AR: variants seen among roughly 807,000 people sequenced by gnomAD.
AR encodes androgen receptor.
Under a neutral mutation model 53.9 loss-of-function variants are expected in AR, and 8 were observed. The observed-to-expected ratio is 0.15, with a 90% confidence interval of 0.09 to 0.27. The LOEUF (loss-of-function observed/expected upper bound fraction) is 0.27, where lower values mean the gene tolerates loss of function less well. AR is among the 10% of genes least tolerant of loss of function. The pLI, the probability that AR is intolerant of heterozygous loss-of-function variation, is 1.00. For missense variants in AR, 639 were observed against 742.5 expected, an observed-to-expected ratio of 0.86 and a Z score of 1.62; for synonymous variants, 359 against 316.4, an observed-to-expected ratio of 1.13 and a Z score of -1.43.
intron 1 of AR, among the ~76,000 whole-genome samples, chrX:67,569,644 G>A (rs1208245455): frequency 1.8e-5 from 2 of 111,410 alleles, no homozygotes; most frequent in African/African-American, 3.3e-5. Flanking sequence ...GTGCCTTCAT[G>A]TATTTTTTCC....
chrX:67,565,093 T>C (rs1490388919), intron 1 of AR, among the ~76,000 whole-genome samples: 1 of 111,720 alleles, frequency 9.0e-6, no homozygotes, highest in African/African-American at 3.3e-5. Flanking sequence ...CTTCCCACAG[T>C]GGCACAGCCT....
chrX:67,709,008 C>T (rs1037734306), intron 3 of AR, among the ~76,000 whole-genome samples: 1 of 111,635 alleles, frequency 9.0e-6, no homozygotes, highest in Non-Finnish European at 1.9e-5. Context: ...GAAGTTTCGT[C>T]TCAGAGGGGT....
intron 1 of AR, among the ~76,000 whole-genome samples, chrX:67,630,220 C>A (rs1418623658): frequency 9.0e-6 from 1 of 110,750 alleles, no homozygotes. Context: ...GTTGATCTGT[C>A]TAATGTTGAC....
intron 1 of AR, among the ~76,000 whole-genome samples, chrX:67,627,071 A>G (rs1273040682): frequency 1.8e-5 from 2 of 108,849 alleles, no homozygotes; most frequent in Non-Finnish European, 3.8e-5. Context: ...TGCTATTGTG[A>G]ATAATGCCGC....
intron 1 of AR, among the ~76,000 whole-genome samples, chrX:67,583,824 G>T (rs1922399723): frequency 8.9e-6 from 1 of 111,766 alleles, no homozygotes; most frequent in African/African-American, 3.3e-5. Context: ...ACATATGTTG[G>T]CCAGAATTTA....
chrX:67,730,215 A>T lies in AR; in HGVS notation c.*6374A>T, dbSNP rs1006922642. ...GAGAGAAAGAAAGCATCACACAAAG[A>T]TTTTCTTAAAAGAAACAATTTTGCT... On this transcript the variant is annotated 3_prime_UTR_variant, in exon 8 of 8. Transcript: ENST00000374690. 5.7e-6 allele frequency: 1 copy of T among 174,926 alleles called. No homozygotes were observed. The highest frequency in any genetic ancestry group is 1.1e-5 in the Non-Finnish European group (1 of 91,358). 14.4% of individuals were successfully genotyped at this position (174,926 alleles called of 1,213,427 possible). A position where few individuals can be genotyped will look rare whatever the true frequency, so the allele number is the denominator to read the frequency against.
At chrX:67,702,112 T>A (rs1191628932) in intron 3 of AR, among the ~76,000 whole-genome samples, 1 of 111,743 alleles carries the variant, frequency 8.9e-6, no homozygotes, top group Non-Finnish European at 1.9e-5. Flanking sequence ...TTTTTATAGC[T>A]GTGTTACCTC....
intron 1 of AR, among the ~76,000 whole-genome samples, chrX:67,636,008 A>G (rs1925413458): frequency 9.0e-6 from 1 of 111,636 alleles, no homozygotes; most frequent in South Asian, 3.7e-4. Flanking sequence ...GTAATATCAA[A>G]GAATACATGT....
Position 67,725,079 on chromosome X carries a change from G to T in AR, c.*1238G>T, listed in dbSNP as rs1465756888. Reference sequence around the variant, plus strand: ...TCTGCCAAACTCCGTGAAGCCACAAGCACCTTATGTCCTCCCTTCAGTGTT... The same window carrying T: ...TCTGCCAAACTCCGTGAAGCCACAATCACCTTATGTCCTCCCTTCAGTGTT... On this transcript the variant is annotated 3_prime_UTR_variant, in exon 8 of 8. Transcript: ENST00000374690. 5.7e-6 allele frequency: 1 copy of T among 174,076 alleles called. No individual in the cohort carries two copies. The highest frequency in any genetic ancestry group is 1.1e-5 in the Non-Finnish European group (1 of 91,445). 14.3% of individuals were successfully genotyped at this position (174,076 alleles called of 1,213,427 possible).
intron 2 of AR, among the ~76,000 whole-genome samples, chrX:67,681,271 T>G (rs2075932293): frequency 9.0e-6 from 1 of 111,432 alleles, no homozygotes; most frequent in South Asian, 3.8e-4. Flanking sequence ...GTATTCCCTG[T>G]GTTAATTTTT....
At chrX:67,568,528 T>G (rs761783293) in intron 1 of AR, among the ~76,000 whole-genome samples, 24 of 111,556 alleles carry the variant, frequency 2.2e-4, no homozygotes, top group Non-Finnish European at 3.8e-4. Flanking sequence ...CTCTTTCTAC[T>G]GCACTCTGGG....
intron 2 of AR, among the ~76,000 whole-genome samples, chrX:67,656,067 A>G (rs1461203242): frequency 8.9e-6 from 1 of 112,147 alleles, no homozygotes; most frequent in African/African-American, 3.2e-5. Context: ...TAGAGTGATG[A>G]CAAGGTGGCA....
chrX:67,671,286 G>A (rs933603804), intron 2 of AR, among the ~76,000 whole-genome samples: 20 of 110,678 alleles, frequency 1.8e-4, no homozygotes, highest in African/African-American at 5.9e-4. Context: ...CTTTTTAATC[G>A]CCATTCTAAC....
intron 1 of AR, among the ~76,000 whole-genome samples, chrX:67,606,524 A>G (rs1326934437): frequency 3.6e-5 from 4 of 111,902 alleles, no homozygotes. Flanking sequence ...TGTAGTCACC[A>G]TGTTGTGCAG....
At chrX:67,702,077 G>A (rs2076044878) in intron 3 of AR, among the ~76,000 whole-genome samples, 1 of 111,531 alleles carries the variant, frequency 9.0e-6, no homozygotes, top group African/African-American at 3.3e-5. Context: ...CAGAAGATGA[G>A]GTTCAGATGA....
chrX:67,695,756 C>CAA (rs1453258662), intron 3 of AR: 2 of 745,379 alleles, frequency 2.7e-6, no homozygotes, highest in Non-Finnish European at 3.1e-6. Flanking sequence ...CACACACACA[C>CAA]ACACACACAC....
chrX:67,647,990 A>G (rs1187074575), intron 2 of AR, among the ~76,000 whole-genome samples: 1 of 112,244 alleles, frequency 8.9e-6, no homozygotes, highest in Non-Finnish European at 1.9e-5. Flanking sequence ...ACAAAAACAG[A>G]TGGTAGAGTG....
rs1929705757 is a variant in AR at position 67,545,919 on chromosome X, G to T, written c.773G>T (p.Ser258Ile). The T allele has an allele frequency of 8.3e-7, 1 of 1,210,770 alleles. No homozygotes were observed. The highest frequency in any genetic ancestry group is 2.2e-5 in the Admixed American group (1 of 45,966). ...GGTGTGGAGGCGTTGGAGCATCTGA[G>T]TCCAGGGGAACAGCTTCGGGGGGAT... ...GLGVEALEHL[S>I]PGEQLRGDCM... is the part of the protein sequence containing the mutation. The change falls in exon 1 of 8, where the codon AGT becomes ATT. Residue 258 changes from serine (S) to isoleucine (I), a missense_variant. Ser to Ile is a moderately radical substitution (Grantham distance 142). Around this residue, in one of 5 missense-constraint regions of AR, gnomAD observed 423 missense variants for 377.0 expected, o/e 1.12. Transcript: ENST00000374690.
chrX:67,623,776 A>G (rs1002963033), intron 1 of AR, among the ~76,000 whole-genome samples: 3 of 111,881 alleles, frequency 2.7e-5, no homozygotes, highest in Middle Eastern at 4.6e-3. Context: ...GAAAATTCAA[A>G]TTATCAAAAT....
Sources: gnomAD v4.1 joint callset for allele counts (sites outside exome capture counted in the v4.1 genomes callset) on GRCh38, gnomAD v4.1.1 for gene constraint, gnomAD v4.1.1 regional missense constraint, MANE v1.5 for transcripts, NCBI Gene and HGNC (gene_info 2026-07-23, HGNC 2026-07-21) for gene names.